Variants in AGTPBP1 observed in about 807,000 individuals in gnomAD.
AGTPBP1 encodes cytosolic carboxypeptidase 1.
Under a neutral mutation model 143.9 loss-of-function variants are expected in AGTPBP1, and 70 were observed. The observed-to-expected ratio is 0.49, with a 90% CI of 0.40 to 0.59. The LOEUF is 0.59. Among genes scored for constraint, AGTPBP1 ranks in the 20% least tolerant of loss-of-function variants. The pLI is 0.00. For missense variants in AGTPBP1, 1,229 were observed against 1,464.5 expected, an observed-to-expected ratio of 0.84 and a Z score of 2.62; for synonymous variants, 463 against 500.2, an observed-to-expected ratio of 0.93 and a Z score of 0.99.
chr9:85,653,942 T>C (rs188599306), intron 11 of AGTPBP1, among the ~76,000 whole-genome samples: 77 of 152,352 alleles, frequency 5.1e-4, no homozygotes, highest in Middle Eastern at 3.4e-3. Context: ...GACTTAGTCT[T>C]AGACTTTTCA....
upstream of AGTPBP1, among the ~76,000 whole-genome samples, chr9:85,743,940 T>C: frequency 6.7e-6 from 1 of 148,936 alleles, no homozygotes; most frequent in Non-Finnish European, 1.5e-5. Flanking sequence ...TTTTTTTTTT[T>C]TTGAGACAAG....
chr9:85,721,195 A>G (rs1448611834), intron 1 of AGTPBP1, among the ~76,000 whole-genome samples: 1 of 152,206 alleles, frequency 6.6e-6, no homozygotes, highest in Non-Finnish European at 1.5e-5. Context: ...CTTGGTCCAG[A>G]GCTGAGTTCA....
At chr9:85,560,449 C>A (rs996835017) in intron 25 of AGTPBP1, among the ~76,000 whole-genome samples, 47 of 152,116 alleles carry the variant, frequency 3.1e-4, no homozygotes, top group African/African-American at 1.1e-3. Flanking sequence ...TCACATAGGA[C>A]CAAAAGGCAG....
chr9:85,656,195 T>C (rs1478386307), intron 10 of AGTPBP1, among the ~76,000 whole-genome samples: 1 of 152,152 alleles, frequency 6.6e-6, no homozygotes, highest in Non-Finnish European at 1.5e-5. Context: ...TTAAGGGACA[T>C]GGGATATGAA....
intron 1 of AGTPBP1, among the ~76,000 whole-genome samples, chr9:85,718,613 G>T (rs943239127): frequency 6.6e-6 from 1 of 152,182 alleles, no homozygotes; most frequent in Non-Finnish European, 1.5e-5. Context: ...CTCCCATTCT[G>T]TAGGTTGCCT....
the AGTPBP1 span, chr9:85,781,077 G>C: frequency 2.9e-5 from 36 of 1,254,518 alleles, no homozygotes; most frequent in Non-Finnish European, 3.7e-5. Flanking sequence ...AGCATATCAC[G>C]CCACTGCACT....
intron 13 of AGTPBP1, among the ~76,000 whole-genome samples, chr9:85,638,881 C>T (rs1262749807): frequency 6.6e-6 from 1 of 151,986 alleles, no homozygotes; most frequent in African/African-American, 2.4e-5. Flanking sequence ...TTTTAAAATA[C>T]TTTTCACAGT....
At chr9:85,755,401 GTTTGT>G in the AGTPBP1 span, among the ~76,000 whole-genome samples, 69 of 152,098 alleles carry the variant, frequency 4.5e-4, no homozygotes, top group African/African-American at 1.6e-3. Context: ...GTACTCAGAT[GTTTGT>G]TTTGGAGATC....
the AGTPBP1 span, among the ~76,000 whole-genome samples, chr9:85,762,063 A>G: frequency 6.6e-6 from 1 of 152,222 alleles, no homozygotes; most frequent in Non-Finnish European, 1.5e-5. Context: ...AATCAAAACC[A>G]CAATGAGATA....
intron 1 of AGTPBP1, among the ~76,000 whole-genome samples, chr9:85,721,490 C>CTT (rs56681803): frequency 4.5e-5 from 6 of 133,180 alleles, no homozygotes; most frequent in Non-Finnish European, 6.4e-5. Flanking sequence ...GCAACCCCTG[C>CTT]TTTTTTTTTT....
At chr9:85,599,542 C>A (rs975544872) in intron 17 of AGTPBP1, among the ~76,000 whole-genome samples, 1 of 152,198 alleles carries the variant, frequency 6.6e-6, no homozygotes, top group African/African-American at 2.4e-5. Context: ...ACTAACTAAG[C>A]CATCCCACTG....
intron 25 of AGTPBP1, among the ~76,000 whole-genome samples, chr9:85,562,373 C>T (rs956676851): frequency 1.3e-5 from 2 of 152,066 alleles, no homozygotes; most frequent in East Asian, 3.9e-4. Context: ...GCTTAAAAGA[C>T]ATATTTAAAT....
At chr9:85,625,317 G>C (rs1055232308) in intron 14 of AGTPBP1, among the ~76,000 whole-genome samples, 1 of 152,178 alleles carries the variant, frequency 6.6e-6, no homozygotes, top group Admixed American at 6.5e-5. Context: ...GTATGAGAGA[G>C]GCTGTTTTTC....
intron 2 of AGTPBP1, among the ~76,000 whole-genome samples, chr9:85,711,159 A>G (rs1837340170): frequency 1.3e-5 from 2 of 152,224 alleles, no homozygotes; most frequent in Admixed American, 1.3e-4. Context: ...GTATTAATAC[A>G]CTGTCAATTA....
Position 85,585,521 on chromosome 9 carries a change from A to G in AGTPBP1, c.3107T>C (p.Val1036Ala). Reference sequence around the variant, plus strand: ...AGTTGCATTATCATTGGTATGCCACACTGTCTCTTTGATGCTGCAACCATA... The same window carrying G: ...AGTTGCATTATCATTGGTATGCCACGCTGTCTCTTTGATGCTGCAACCATA... ...FMYGCSIKET[V>A]WHTNDNATSC... The change falls in exon 23 of 26, where the codon GTG becomes GCG. Residue 1036 changes from valine to alanine, a missense_variant. By Grantham distance (64) the Val-to-Ala change is moderately conservative. This residue lies in a region of AGTPBP1 where 486 missense variants were observed against 652.3 expected (regional missense o/e 0.75). Transcript: ENST00000357081. 6.2e-7 allele frequency: 1 copy of G among 1,612,038 alleles called. No homozygotes were observed. Among genetic ancestry groups the G allele is most frequent in the East Asian group, 2.2e-5 (1 of 44,690 alleles).
chr9:85,719,484 T>C (rs1039001832), intron 1 of AGTPBP1, among the ~76,000 whole-genome samples: 1 of 152,236 alleles, frequency 6.6e-6, no homozygotes, highest in Admixed American at 6.5e-5. Context: ...TGTATAGGAA[T>C]GCTTGTGATT....
Position 85,646,318 on chromosome 9 carries a change from A to T in AGTPBP1, c.1185+3T>A. 2 of 1,607,672 alleles carry T rather than the reference A, an allele frequency of 1.2e-6. No homozygotes were observed. Among genetic ancestry groups the T allele is most frequent in the Non-Finnish European group, 1.7e-6 (2 of 1,175,638 alleles). On this transcript the variant is annotated splice_donor_region_variant and intron_variant, in intron 12 of 25. Transcript: ENST00000357081. ...CTAACTAATTACAGAAATTTATACTAACCTTAAAATTTTGATCTAGGTCAT... is the reference window on the plus strand; with the variant it reads ...CTAACTAATTACAGAAATTTATACTTACCTTAAAATTTTGATCTAGGTCAT...
rs201791414 is a variant in AGTPBP1, at chr9:85,558,399, G to GAT, written c.3504-11115_3504-11114dup. 4.9e-3 allele frequency among the ~76,000 whole-genome samples: 746 copies of GAT among 152,276 alleles called. 7 individuals carry two copies. Among genetic ancestry groups the GAT allele is most frequent in the African/African-American group, 0.017 (723 of 41,558 alleles). ...AAAAGGTTTTGGAACAAGACAGGGT[G>GAT]ATTGATGGCTGCACACCATTGTCAA... On this transcript the variant is annotated intron_variant, in intron 25 of 25. Coordinates refer to ENST00000357081, the MANE Select transcript of AGTPBP1 (RefSeq NM_001330701.2).
At chr9:85,649,692 T>G (rs1257096921) in intron 11 of AGTPBP1, among the ~76,000 whole-genome samples, 1 of 152,176 alleles carries the variant, frequency 6.6e-6, no homozygotes, top group East Asian at 1.9e-4. Flanking sequence ...TAGATAATAC[T>G]TAGCTTGTTC....
Sources: allele counts gnomAD v4.1 joint callset (sites outside exome capture counted in the v4.1 genomes callset), GRCh38; gene constraint gnomAD v4.1.1; regional missense constraint gnomAD v4.1.1; transcripts MANE v1.5; gene names NCBI Gene and HGNC (gene_info 2026-07-23, HGNC 2026-07-21).